Variants in CSMD1 observed in about 807,000 individuals in gnomAD.
The protein encoded by CSMD1 is CUB and sushi domain-containing protein 1.
Under a neutral mutation model 417.5 loss-of-function variants are expected in CSMD1, and 213 were observed. That is an observed-to-expected ratio of 0.51 (90% confidence interval 0.46 to 0.57). The LOEUF (loss-of-function observed/expected upper bound fraction) is 0.57, where lower values mean the gene tolerates loss of function less well. Among genes scored for constraint, CSMD1 ranks in the 20% least tolerant of loss-of-function variants. The probability of loss-of-function intolerance (pLI) is 0.00; values close to 1 mark genes in which losing one functional copy is unlikely to be tolerated. For missense variants in CSMD1, 6,923 were observed against 4,529.7 expected, an observed-to-expected ratio of 1.53 and a Z score of -15.17; for synonymous variants, 2,862 against 1,736.8, an observed-to-expected ratio of 1.65 and a Z score of -16.11.
chr8:3,387,133 C>A (rs924191367), intron 18 of CSMD1, among the ~76,000 whole-genome samples: 1 of 152,284 alleles, frequency 6.6e-6, no homozygotes, highest in South Asian at 2.1e-4. Context: ...AAGTGAGACA[C>A]TGGGACGTAT....
intron 3 of CSMD1, among the ~76,000 whole-genome samples, chr8:4,122,828 G>A (rs910836882): frequency 6.6e-6 from 1 of 152,158 alleles, no homozygotes; most frequent in Admixed American, 6.5e-5. Context: ...CCCTCCCTCT[G>A]TAACAGAGTT....
chr8:3,646,168 A>T (rs561056368), intron 7 of CSMD1, among the ~76,000 whole-genome samples: 1 of 152,270 alleles, frequency 6.6e-6, no homozygotes, highest in East Asian at 1.9e-4. Flanking sequence ...ATAAAATGAA[A>T]AAGGTGAACA....
At chr8:4,340,916 C>A (rs188455262) in intron 3 of CSMD1, among the ~76,000 whole-genome samples, 1 of 151,922 alleles carries the variant, frequency 6.6e-6, no homozygotes, top group East Asian at 1.9e-4. Context: ...GGAACTCAAG[C>A]GGAGAGATTT....
intron 50 of CSMD1, 144 bp downstream of exon 50, chr8:3,052,318 G>C (rs1380255779): frequency 5.0e-6 from 3 of 602,182 alleles, no homozygotes; most frequent in Admixed American, 3.2e-5. Context: ...AAATACATTG[G>C]TTTTAATATT....
chr8:4,003,432 A>AAATG (rs1158839294), intron 4 of CSMD1, among the ~76,000 whole-genome samples: 2 of 151,728 alleles, frequency 1.3e-5, no homozygotes, highest in East Asian at 3.9e-4. Context: ...ATAAATAAAT[A>AAATG]AATAAATAGA....
intron 5 of CSMD1, among the ~76,000 whole-genome samples, chr8:3,938,460 G>A (rs969406555): frequency 1.3e-4 from 20 of 152,178 alleles, no homozygotes; most frequent in African/African-American, 4.8e-4. Flanking sequence ...TGGATCTGTG[G>A]TGGGGATAAG....
At chr8:4,611,047 C>CT (rs1187201071) in intron 2 of CSMD1, among the ~76,000 whole-genome samples, 1 of 151,324 alleles carries the variant, frequency 6.6e-6, no homozygotes, top group Non-Finnish European at 1.5e-5. Context: ...TCTTTTTGGT[C>CT]TATTTACAAA....
intron 11 of CSMD1, among the ~76,000 whole-genome samples, chr8:3,475,605 C>T (rs10106960): frequency 0.6 from 91,704 of 151,960 alleles, 28,381 homozygotes; most frequent in Middle Eastern, 0.72. Flanking sequence ...TTAATCCAAC[C>T]TGAAGGAACT....
At chr8:4,573,084 G>A (rs1043178057) in intron 2 of CSMD1, among the ~76,000 whole-genome samples, 3 of 152,266 alleles carry the variant, frequency 2.0e-5, no homozygotes, top group East Asian at 1.9e-4. Flanking sequence ...GCTCAGAGGA[G>A]TTTGTTATTA....
At chr8:3,641,759 G>T (rs543956317) in intron 7 of CSMD1, among the ~76,000 whole-genome samples, 1 of 152,078 alleles carries the variant, frequency 6.6e-6, no homozygotes, top group South Asian at 2.1e-4. Flanking sequence ...GCTACCACTC[G>T]GTACCCAACC....
chr8:3,571,922 A>G (rs993312845), intron 10 of CSMD1, among the ~76,000 whole-genome samples: 5 of 152,186 alleles, frequency 3.3e-5, no homozygotes, highest in East Asian at 1.9e-4. Flanking sequence ...GGCTACAGGA[A>G]GAAGTGAAGT....
chr8:3,284,426 A>T lies in CSMD1; in HGVS notation c.3951-80T>A, dbSNP rs768017022. On this transcript the variant is annotated intron_variant, in intron 25 of 69. Transcript: ENST00000635120. ...CCATAGCTGTAAAGTAAGCAAGCTC[A>T]TTTCGCTTTCACACAACCCCCACCA... The T allele has an allele frequency of 1.1e-4, 118 of 1,098,890 alleles. 2 individuals are homozygous for T. The highest frequency in any genetic ancestry group is 1.4e-4 in the South Asian group (10 of 73,426). The allele number at this position is 1,098,890 out of a possible 1,614,324, so 68.1% of individuals were successfully genotyped here. A position where few individuals can be genotyped will look rare whatever the true frequency, so the allele number is the denominator to read the frequency against.
chr8:3,308,667 CTATT>C (rs1235706943), intron 23 of CSMD1, among the ~76,000 whole-genome samples, 164 bp from the exon 24 acceptor site: 1 of 148,988 alleles, frequency 6.7e-6, no homozygotes, highest in Non-Finnish European at 1.5e-5. Context: ...TGTACTGGGG[CTATT>C]TGTTACCCAT....
At chr8:3,085,235 G>C (rs746349593) in intron 49 of CSMD1, among the ~76,000 whole-genome samples, 8 of 152,090 alleles carry the variant, frequency 5.3e-5, no homozygotes, top group Non-Finnish European at 1.2e-4. Context: ...AGTTCAACTG[G>C]ATTGTTTTTA....
intron 1 of CSMD1, among the ~76,000 whole-genome samples, chr8:4,869,354 T>C (rs1802598469): frequency 6.6e-6 from 1 of 152,026 alleles, no homozygotes; most frequent in Non-Finnish European, 1.5e-5. Context: ...CTTTCCTTTA[T>C]GTTAATGCTC....
Position 2,962,906 on chromosome 8 carries a change from G to T in CSMD1, c.9455-267C>A, listed in dbSNP as rs147503659. ...CTACAACAAATACAAAAATTAGCTG[G>T]GTTTGGTGGCACACACCTGTAGTCC... On this transcript the variant is annotated intron_variant, in intron 60 of 69. Coordinates refer to ENST00000635120, the MANE Select transcript of CSMD1 (RefSeq NM_033225.6). Among the ~76,000 whole-genome samples, 1,387 of 152,222 alleles carry T rather than the reference G, an allele frequency of 9.1e-3. 18 individuals carry two copies. The highest frequency in any genetic ancestry group is 0.031 in the African/African-American group (1,303 of 41,546).
At chr8:4,718,525 T>C (rs752166183) in intron 1 of CSMD1, among the ~76,000 whole-genome samples, 1 of 152,058 alleles carries the variant, frequency 6.6e-6, no homozygotes, top group Admixed American at 6.6e-5. Context: ...ATATTTTACA[T>C]TAAGTACTAG....
At chr8:3,868,735 C>G (rs901076302) in intron 5 of CSMD1, among the ~76,000 whole-genome samples, 2 of 152,310 alleles carry the variant, frequency 1.3e-5, no homozygotes, top group Non-Finnish European at 2.9e-5. Context: ...TGACCCTCTG[C>G]TCTCTCAACC....
intron 3 of CSMD1, among the ~76,000 whole-genome samples, chr8:4,343,151 G>T: frequency 6.6e-6 from 1 of 152,188 alleles, no homozygotes; most frequent in South Asian, 2.1e-4. Context: ...CACATGAAAT[G>T]GGCAATGTAT....
Sources: allele counts gnomAD v4.1 joint callset (sites outside exome capture counted in the v4.1 genomes callset), GRCh38; gene constraint gnomAD v4.1.1; transcripts MANE v1.5; gene names NCBI Gene and HGNC (gene_info 2026-07-23, HGNC 2026-07-21).